Variants in MEGF11 observed in about 807,000 individuals in gnomAD.
The protein encoded by MEGF11 is multiple EGF like domains 11.
Under a neutral mutation model 146.6 loss-of-function variants are expected in MEGF11, and 126 were observed. That is an observed-to-expected ratio of 0.86 (90% CI 0.74 to 1.00). MEGF11 has a LOEUF of 1.00. Among genes scored for constraint, MEGF11 ranks in the 50% least tolerant of loss-of-function variants. The probability of loss-of-function intolerance (pLI) is 0.00; values close to 1 mark genes in which losing one functional copy is unlikely to be tolerated. For synonymous variants in MEGF11, 532 were observed against 583.4 expected (o/e 0.91, Z 1.27); for missense variants, 1,509 against 1,521.2 (o/e 0.99, Z 0.13).
At chr15:66,187,248 C>T (rs2090733312) in intron 1 of MEGF11, among the ~76,000 whole-genome samples, 1 of 152,234 alleles carries the variant, frequency 6.6e-6, no homozygotes, top group Non-Finnish European at 1.5e-5. Flanking sequence ...TAGGAACACG[C>T]CTGGCCAAGC....
At chr15:65,970,969 A>C in intron 7 of MEGF11, 1 of 458,858 alleles carries the variant, frequency 2.2e-6, no homozygotes, top group South Asian at 2.6e-5. Flanking sequence ...CTGTCCTCCT[A>C]GTCTACCACA....
At chr15:65,997,536 T>A (rs567130469) in intron 5 of MEGF11, among the ~76,000 whole-genome samples, 1 of 152,158 alleles carries the variant, frequency 6.6e-6, no homozygotes, top group Non-Finnish European at 1.5e-5. Flanking sequence ...CTCTCCCCCA[T>A]CCTCTGGCTT....
chr15:66,047,358 G>A (rs778502853), intron 5 of MEGF11, among the ~76,000 whole-genome samples: 66 of 152,248 alleles, frequency 4.3e-4, no homozygotes, highest in Middle Eastern at 3.4e-3. Flanking sequence ...TCTAAGCCTC[G>A]ATTTCTTCTA....
intron 5 of MEGF11, among the ~76,000 whole-genome samples, chr15:66,004,750 T>G (rs948131139): frequency 6.6e-6 from 1 of 152,006 alleles, no homozygotes; most frequent in Admixed American, 6.6e-5. Flanking sequence ...CTACAGTGGG[T>G]GAAGGTTGGA....
At chr15:65,955,739 TAAAA>T (rs1189666912) in intron 10 of MEGF11, among the ~76,000 whole-genome samples, 32 of 9,734 alleles carry the variant, frequency 3.3e-3, no homozygotes, top group Admixed American at 4.5e-3. Flanking sequence ...GTGAGACTCT[TAAAA>T]AAAAAAAAAA....
At chr15:66,166,298 C>A (rs183813693) in intron 1 of MEGF11, among the ~76,000 whole-genome samples, 128 of 152,262 alleles carry the variant, frequency 8.4e-4, no homozygotes, top group Non-Finnish European at 1.4e-3. Context: ...ATCCCCACAT[C>A]TAGTCCATCA....
At chr15:66,172,249 C>G (rs2090279748) in intron 1 of MEGF11, among the ~76,000 whole-genome samples, 1 of 152,188 alleles carries the variant, frequency 6.6e-6, no homozygotes, top group Non-Finnish European at 1.5e-5. Flanking sequence ...CCCAAGACAT[C>G]AGCAGGAATC....
At chr15:66,196,729 G>A (rs935649499) in intron 1 of MEGF11, among the ~76,000 whole-genome samples, 4 of 152,168 alleles carry the variant, frequency 2.6e-5, no homozygotes, top group Non-Finnish European at 5.9e-5. Flanking sequence ...TATTGCCTGT[G>A]GCAACTGTAG....
At chr15:65,902,682 C>T (rs1169306466) in intron 24 of MEGF11, 1 of 152,234 alleles carries the variant, frequency 6.6e-6, no homozygotes, top group Non-Finnish European at 1.5e-5. Flanking sequence ...CCCAGGCTAC[C>T]CAAGCTCTGG....
intron 5 of MEGF11, among the ~76,000 whole-genome samples, chr15:66,084,540 C>G (rs895164977): frequency 2.0e-5 from 3 of 152,252 alleles, no homozygotes; most frequent in African/African-American, 4.8e-5. Context: ...CACACCCCCC[C>G]ACTGGAGAGG....
At chr15:66,084,533 A>AC (rs529039181) in intron 5 of MEGF11, among the ~76,000 whole-genome samples, 272 of 151,668 alleles carry the variant, frequency 1.8e-3, no homozygotes, top group Admixed American at 3.2e-3. Context: ...TCCCGAACAC[A>AC]CCCCCCCACT....
In MEGF11 at chr15:65,895,645, A is replaced by G. The variant is rs1191555755; in HGVS notation, c.*2289T>C. On this transcript the variant is annotated 3_prime_UTR_variant, in exon 26 of 26. Transcript: ENST00000395614. ...TTACTGATAACTGTTCGATAGGGGA[A>G]GGCAGCTATTGTCACCATAATCACA... 1 of 152,642 alleles carries G rather than the reference A, an allele frequency of 6.6e-6. No homozygotes were observed. Among genetic ancestry groups the G allele is most frequent in the Non-Finnish European group, 1.5e-5 (1 of 68,034 alleles). 9.5% of individuals were successfully genotyped at this position (152,642 alleles called of 1,614,324 possible).
intron 7 of MEGF11, among the ~76,000 whole-genome samples, chr15:65,975,640 T>G (rs572826550): frequency 3.9e-5 from 6 of 152,190 alleles, no homozygotes; most frequent in Non-Finnish European, 8.8e-5. Context: ...TCCTCCCAGA[T>G]AGGTGAGCTA....
chr15:66,151,854 G>T (rs913837449), intron 1 of MEGF11, among the ~76,000 whole-genome samples: 3 of 152,236 alleles, frequency 2.0e-5, no homozygotes, highest in Non-Finnish European at 4.4e-5. Context: ...GGGGAGCAGG[G>T]CTGGCTCCCT....
intron 1 of MEGF11, among the ~76,000 whole-genome samples, chr15:66,200,447 G>T (rs1253376580): frequency 6.6e-6 from 1 of 152,182 alleles, no homozygotes; most frequent in Non-Finnish European, 1.5e-5. Context: ...AGACTCTCTA[G>T]GGGATAATCA....
At chr15:65,916,648 A>G (rs1169481822) in intron 17 of MEGF11, 180 bp downstream of exon 17, 1 of 1,110,042 alleles carries the variant, frequency 9.0e-7, no homozygotes, top group African/African-American at 1.5e-5. Flanking sequence ...CCCTGAATCC[A>G]GTCAGGTCTG....
At chr15:66,039,832 G>A (rs1403464292) in intron 5 of MEGF11, among the ~76,000 whole-genome samples, 3 of 16,510 alleles carry the variant, frequency 1.8e-4, no homozygotes, top group Non-Finnish European at 4.0e-4. Context: ...GGGTCAGGCG[G>A]CGGTGGGGTG....
intron 5 of MEGF11, among the ~76,000 whole-genome samples, chr15:66,064,054 T>C (rs557996560): frequency 2.6e-5 from 4 of 152,298 alleles, no homozygotes; most frequent in South Asian, 2.1e-4. Context: ...ACCTAGCACG[T>C]TGATGAAACG....
intron 1 of MEGF11, among the ~76,000 whole-genome samples, chr15:66,145,099 C>A (rs1233557542): frequency 1.3e-5 from 2 of 152,202 alleles, no homozygotes; most frequent in Non-Finnish European, 2.9e-5. Flanking sequence ...AGCAGCCAGA[C>A]CCTCCTGCAA....
Sources: allele counts gnomAD v4.1 joint callset (sites outside exome capture counted in the v4.1 genomes callset), GRCh38; gene constraint gnomAD v4.1.1; transcripts MANE v1.5; gene names NCBI Gene and HGNC (gene_info 2026-07-23, HGNC 2026-07-21).